Variants in MCF2L observed in about 807,000 individuals in gnomAD.
MCF2L encodes guanine nucleotide exchange factor DBS.
A neutral mutation model predicts 153.4 loss-of-function variants in MCF2L; 97 were observed. The ratio of observed to expected loss-of-function variants is 0.63; its 90% CI spans 0.54 to 0.75. The LOEUF (loss-of-function observed/expected upper bound fraction) is 0.75, where lower values mean the gene tolerates loss of function less well. Ranked by LOEUF, MCF2L falls within the 30% of genes least tolerant of loss-of-function variation. The pLI, the probability that MCF2L is intolerant of heterozygous loss-of-function variation, is 0.00. For missense variants in MCF2L, 1,347 were observed against 1,495.2 expected (o/e 0.90, Z 1.64); for synonymous variants, 659 against 632.2 (o/e 1.04, Z -0.64).
chr13:112,986,512 G>A (rs11618227), intron 1 of MCF2L, among the ~76,000 whole-genome samples: 72,868 of 152,144 alleles, frequency 0.48, 19,555 homozygotes, highest in Non-Finnish European at 0.61. Flanking sequence ...CACTGCCCTC[G>A]GAGGACCCAC....
At chr13:112,934,227 C>G (rs566594971) in intron 2 of MCF2L, among the ~76,000 whole-genome samples, 22 of 152,318 alleles carry the variant, frequency 1.4e-4, no homozygotes, top group African/African-American at 5.3e-4. Context: ...TGCAGCATGC[C>G]CCTGAGGGCC....
intron 2 of MCF2L, among the ~76,000 whole-genome samples, chr13:112,914,020 C>T (rs72661904): frequency 0.22 from 32,885 of 152,140 alleles, 4,379 homozygotes; most frequent in Non-Finnish European, 0.31. Context: ...CGTTAGCATC[C>T]CCAGCCCCTT....
chr13:113,005,149 CT>C (rs1241004326), intron 1 of MCF2L, among the ~76,000 whole-genome samples: 1 of 152,170 alleles, frequency 6.6e-6, no homozygotes, highest in Non-Finnish European at 1.5e-5. Flanking sequence ...GCTGCTGGGT[CT>C]TTGTTAGAAA....
At chr13:113,023,872 C>T (rs538220978) in intron 2 of MCF2L, among the ~76,000 whole-genome samples, 76 of 152,248 alleles carry the variant, frequency 5.0e-4, no homozygotes, top group Non-Finnish European at 6.0e-4. Flanking sequence ...CTGGCCTCCT[C>T]AGAGCAGGTG....
rs181477414 is a variant in MCF2L at position 112,909,390 on chromosome 13, G to A, written c.169+7019G>A. On this transcript the variant is annotated intron_variant, in intron 2 of 29. Coordinates refer to the MCF2L transcript ENST00000375608. The stretch of plus-strand genomic sequence containing the variant: ...GCATGGGTTGAAGCCAGGCTAAGGC[G>A]TTGATCCCAAGGGGCTGTCTGCAGG... 18 of 756,836 alleles carry A rather than the reference G, an allele frequency of 2.4e-5. No homozygotes were observed. The African/African-American group carries it at 2.7e-4, about 11-fold the overall frequency. 46.9% of individuals were successfully genotyped at this position (756,836 alleles called of 1,614,324 possible).
Position 113,001,977 on chromosome 13 carries a change from G to A in MCF2L, c.80-12786G>A, listed in dbSNP as rs751906125. 157 of 1,584,724 alleles carry A rather than the reference G, an allele frequency of 9.9e-5. 2 individuals carry two copies. In the South Asian group the frequency reaches 1.4e-3, roughly 15 times the overall value. On this transcript the variant is annotated intron_variant, in intron 1 of 29. Coordinates refer to ENST00000535094, the MANE Select transcript of MCF2L (RefSeq NM_001112732.3). Reference sequence around the variant, plus strand: ...GGCGCTGTGGCTGCTGCTGAAGGCCGGCGCAGGTGCGTGGGGCGCGGGCGG... The same window carrying A: ...GGCGCTGTGGCTGCTGCTGAAGGCCAGCGCAGGTGCGTGGGGCGCGGGCGG...
rs146843370 is a variant in MCF2L, at chr13:112,998,917, C to G, written c.80-15846C>G. ...TGGCCTTGACTTGGTCAGCAGGGAG[C>G]TGGAAGGGTCAAGAGCTGTGGGTGG... On this transcript the variant is annotated intron_variant, in intron 1 of 29. Transcript: ENST00000535094. Among the ~76,000 whole-genome samples the G allele has an allele frequency of 4.3e-3, 659 of 152,306 alleles. 4 individuals carry two copies. The highest frequency in any genetic ancestry group is 0.015 in the African/African-American group (638 of 41,572).
chr13:112,981,022 C>G (rs2082400609), intron 1 of MCF2L, among the ~76,000 whole-genome samples: 1 of 151,162 alleles, frequency 6.6e-6, no homozygotes, highest in African/African-American at 2.4e-5. Context: ...GCACTGGGGA[C>G]TCTGACACGT....
At position 113,096,906 on chromosome 13, in the gene MCF2L, G is replaced by A; in HGVS notation, c.*47G>A. The stretch of plus-strand genomic sequence containing the variant: ...CCGCGCGCTGTCTGGGGCTGCGGTG[G>A]CGTGGGGAGGGCGCGGCCCCCGGAC... On this transcript the variant is annotated 3_prime_UTR_variant, in exon 30 of 30. Coordinates refer to ENST00000535094, the MANE Select transcript of MCF2L (RefSeq NM_001112732.3). The A allele has an allele frequency of 1.6e-6, 2 of 1,265,338 alleles. No homozygotes were observed. Among genetic ancestry groups the A allele is most frequent in the Non-Finnish European group, 2.0e-6 (2 of 990,632 alleles). The allele number at this position is 1,265,338 out of a possible 1,614,324, so 78.4% of individuals were successfully genotyped here. A position where few individuals can be genotyped will look rare whatever the true frequency, so the allele number is the denominator to read the frequency against.
At chr13:113,006,850 C>G (rs1295034499) in intron 1 of MCF2L, among the ~76,000 whole-genome samples, 1 of 152,216 alleles carries the variant, frequency 6.6e-6, no homozygotes, top group Non-Finnish European at 1.5e-5. Context: ...TGGCTCAGCC[C>G]CCAAGGGCAG....
chr13:113,075,999 C>T lies in MCF2L; in HGVS notation c.1342C>T (p.Leu448=), dbSNP rs1188497113. ...MKWCDEGIYL[L]ASQPVDKCQS... ...GTGGTGTGATGAAGGGATTTACCTG[C>T]TGGCCTCACAACCTGTGGACAAGTG... Residue 448 remains leucine, a synonymous_variant, in exon 12 of 30, where the codon CTG becomes TTG. Coordinates refer to ENST00000535094, the MANE Select transcript of MCF2L (RefSeq NM_001112732.3). 3 of 1,612,482 alleles carry T rather than the reference C, an allele frequency of 1.9e-6. No homozygotes were observed. The highest frequency in any genetic ancestry group is 2.7e-5 in the African/African-American group (2 of 74,848).
chr13:112,924,543 A>G (rs997991492), intron 2 of MCF2L, among the ~76,000 whole-genome samples: 12 of 152,238 alleles, frequency 7.9e-5, no homozygotes, highest in African/African-American at 2.9e-4. Flanking sequence ...TTCTCGTTTA[A>G]TAAATGCTGA....
At chr13:113,033,013 C>CATGACGTGAGTGGCCCCT (rs2085830762) in intron 3 of MCF2L, among the ~76,000 whole-genome samples, 1 of 133,292 alleles carries the variant, frequency 7.5e-6, no homozygotes, top group Non-Finnish European at 1.6e-5. Flanking sequence ...GAGTGGCCCC[C>CATGACGTGAGTGGCCCCT]GTGACATTAG....
chr13:112,933,126 C>T (rs1408884285), intron 2 of MCF2L, among the ~76,000 whole-genome samples: 3 of 152,102 alleles, frequency 2.0e-5, no homozygotes, highest in Non-Finnish European at 4.4e-5. Flanking sequence ...GAGTGCTGGG[C>T]CGACAGCCTT....
At chr13:112,967,896 A>G (rs867324859), upstream of MCF2L, 3 of 166,694 alleles carry the variant, frequency 1.8e-5, no homozygotes, top group Admixed American at 1.2e-4. Flanking sequence ...AAATGCCGGA[A>G]TGGTACACGG....
chr13:112,918,822 C>T (rs1274252913), intron 2 of MCF2L, among the ~76,000 whole-genome samples: 4 of 152,066 alleles, frequency 2.6e-5, no homozygotes, highest in Admixed American at 6.5e-5. Context: ...ACTGAAGCAT[C>T]GGCCCAGACT....
At chr13:112,996,482 C>A (rs1206834194) in intron 1 of MCF2L, among the ~76,000 whole-genome samples, 9 of 152,192 alleles carry the variant, frequency 5.9e-5, no homozygotes, top group Non-Finnish European at 5.9e-5. Flanking sequence ...CCAGGCTCGA[C>A]CTGTGCTGTG....
intron 2 of MCF2L, among the ~76,000 whole-genome samples, chr13:112,962,471 TG>T (rs2081843495): frequency 6.6e-6 from 1 of 152,184 alleles, no homozygotes; most frequent in South Asian, 2.1e-4. Flanking sequence ...GAGCCAGCCA[TG>T]GGGGTGGGCC....
intron 1 of MCF2L, among the ~76,000 whole-genome samples, chr13:112,898,440 A>G (rs1436547348): frequency 6.6e-6 from 1 of 152,106 alleles, no homozygotes. Flanking sequence ...ATCCCCGTGA[A>G]CCGAGCTCGG....
Sources: gnomAD v4.1 joint callset for allele counts (sites outside exome capture counted in the v4.1 genomes callset) on GRCh38, gnomAD v4.1.1 for gene constraint, MANE v1.5 for transcripts, NCBI Gene and HGNC (gene_info 2026-07-23, HGNC 2026-07-21) for gene names.